DDC: variants seen among roughly 807,000 people sequenced by gnomAD.
DDC encodes the protein dopa decarboxylase.
In DDC, 43 loss-of-function variants were observed where a neutral mutation model predicts 60.0. The ratio of observed to expected loss-of-function variants is 0.72; its 90% CI spans 0.56 to 0.92. DDC has a LOEUF of 0.92. Ranked by LOEUF, DDC falls within the 40% of genes least tolerant of loss-of-function variation. DDC has a pLI of 0.00. For synonymous variants in DDC, 232 were observed against 234.6 expected (o/e 0.99, Z 0.10); for missense variants, 573 against 620.2 (o/e 0.92, Z 0.81).
intron 6 of DDC, among the ~76,000 whole-genome samples, chr7:50,519,386 A>G (rs1377120020): frequency 1.3e-5 from 2 of 152,218 alleles, no homozygotes; most frequent in African/African-American, 4.8e-5. Flanking sequence ...CAATCCCACT[A>G]CTGGGTATCT....
At chr7:50,535,926 T>C (rs1215459474) in intron 4 of DDC, among the ~76,000 whole-genome samples, 1 of 152,160 alleles carries the variant, frequency 6.6e-6, no homozygotes, top group Non-Finnish European at 1.5e-5. Flanking sequence ...TCCGATCTTA[T>C]ATGTGGTCAC....
At chr7:50,503,972 A>G (rs780813315) in intron 7 of DDC, 21 bp downstream of exon 7, 13 of 1,590,420 alleles carry the variant, frequency 8.2e-6, no homozygotes, top group African/African-American at 1.3e-5. Context: ...TTCCAAAAAG[A>G]AAATGGAATC....
intron 6 of DDC, among the ~76,000 whole-genome samples, chr7:50,516,433 T>C (rs1204616250): frequency 6.6e-6 from 1 of 152,024 alleles, no homozygotes; most frequent in African/African-American, 2.4e-5. Context: ...AAGGGGATGC[T>C]AAGAGGAAAA....
intron 6 of DDC, among the ~76,000 whole-genome samples, chr7:50,513,658 C>T (rs993516212): frequency 6.6e-6 from 1 of 151,968 alleles, no homozygotes; most frequent in Non-Finnish European, 1.5e-5. Flanking sequence ...GGAGACAGGC[C>T]CTTCGGTTTG....
intron 11 of DDC, among the ~76,000 whole-genome samples, chr7:50,470,703 A>G (rs1167550485): frequency 1.3e-5 from 2 of 152,050 alleles, no homozygotes; most frequent in Non-Finnish European, 2.9e-5. Flanking sequence ...TGACCCCAAG[A>G]CCCCTCATCA....
intron 13 of DDC, 85 bp from the exon 14 acceptor site, chr7:50,463,516 C>G (rs1452140610): frequency 8.6e-6 from 10 of 1,163,986 alleles, no homozygotes; most frequent in Admixed American, 1.8e-5. Context: ...CAGTGCTTGG[C>G]AACCCTACCG....
At chr7:50,489,848 T>A (rs2042962564) in intron 9 of DDC, among the ~76,000 whole-genome samples, 1 of 152,318 alleles carries the variant, frequency 6.6e-6, no homozygotes, top group South Asian at 2.1e-4. Context: ...ATTCTTTAAT[T>A]AAAAAATTAT....
intron 11 of DDC, 101 bp from the exon 12 acceptor site, chr7:50,470,272 T>C (rs1220561623): frequency 2.3e-6 from 2 of 888,360 alleles, no homozygotes; most frequent in African/African-American, 3.3e-5. Context: ...GGCAGCCGAT[T>C]CCCTGGTGGC....
intron 1 of DDC, among the ~76,000 whole-genome samples, chr7:50,565,051 C>T (rs185639085): frequency 1.1e-3 from 162 of 152,288 alleles, no homozygotes; most frequent in Admixed American, 1.7e-3. Context: ...TTCCCAGCAC[C>T]TATCAAACAT....
intron 4 of DDC, among the ~76,000 whole-genome samples, chr7:50,537,551 C>T (rs947622558): frequency 4.6e-5 from 7 of 152,226 alleles, no homozygotes; most frequent in African/African-American, 9.6e-5. Context: ...CCCACACAAA[C>T]GATAGTTGCT....
intron 9 of DDC, chr7:50,492,791 C>G: frequency 6.8e-7 from 1 of 1,465,704 alleles, no homozygotes; most frequent in South Asian, 1.4e-5. Flanking sequence ...AGGCTGGTGG[C>G]TGAACTGAAC....
chr7:50,472,564 G>A (rs78526626), intron 11 of DDC, among the ~76,000 whole-genome samples: 5 of 152,014 alleles, frequency 3.3e-5, no homozygotes, highest in Admixed American at 1.3e-4. Flanking sequence ...ACCTAGGTCC[G>A]TGGTCCTGTC....
At position 50,544,075 on chromosome 7, in the gene DDC, C is replaced by G. The variant is rs769697130; in HGVS notation, c.11G>C (p.Ser4Thr). ...CTCCTTCCCTCTCCTTCGGAATTCA[C>G]TTGCGTTCATGGTGTCTGGGCTCTG... The part of the protein sequence containing the change: MNA[S>T]EFRRRGKEMV... Residue 4 changes from serine to threonine, a missense_variant, in exon 2 of 15, where the codon AGT becomes ACT. Coordinates refer to ENST00000444124, the MANE Select transcript of DDC (RefSeq NM_001082971.2). The G allele has an allele frequency of 6.2e-7, 1 of 1,614,036 alleles. No homozygotes were observed. Among genetic ancestry groups the G allele is most frequent in the African/African-American group, 1.3e-5 (1 of 74,924 alleles).
intron 6 of DDC, among the ~76,000 whole-genome samples, chr7:50,517,433 A>G (rs2043763525): frequency 6.6e-6 from 1 of 152,294 alleles, no homozygotes; most frequent in East Asian, 1.9e-4. Flanking sequence ...CCTTAATATA[A>G]TAAAATCCAT....
chr7:50,464,853 G>C (rs2042359833), intron 13 of DDC, among the ~76,000 whole-genome samples: 1 of 152,222 alleles, frequency 6.6e-6, no homozygotes, highest in African/African-American at 2.4e-5. Context: ...ATTCAGATTA[G>C]AGAGGATTAG....
chr7:50,466,751 G>C (rs1219339390), intron 13 of DDC, among the ~76,000 whole-genome samples: 1 of 152,218 alleles, frequency 6.6e-6, no homozygotes, highest in Non-Finnish European at 1.5e-5. Context: ...ACAGACTCCT[G>C]TGTGGGCATC....
chr7:50,471,918 C>T lies in DDC; in HGVS notation c.1042-1747G>A, dbSNP rs574941561. ...GGCGCTGTGTTCCAAAATCATTCCT[C>T]GACTGGTCAACTTCCTACAAATTAA... On this transcript the variant is annotated intron_variant, in intron 11 of 14. Transcript: ENST00000444124. Among the ~76,000 whole-genome samples, 15 of 152,298 alleles carry T rather than the reference C, an allele frequency of 9.8e-5. 1 individual carries two copies. In the East Asian group the frequency reaches 1.4e-3, roughly 14 times the overall value.
At chr7:50,534,741 A>T (rs2044338746) in intron 4 of DDC, among the ~76,000 whole-genome samples, 1 of 152,220 alleles carries the variant, frequency 6.6e-6, no homozygotes, top group East Asian at 1.9e-4. Flanking sequence ...TAGACCATGC[A>T]TGCCCTTGCC....
intron 11 of DDC, among the ~76,000 whole-genome samples, chr7:50,475,244 C>T (rs1003635405): frequency 4.6e-5 from 7 of 152,206 alleles, no homozygotes; most frequent in Non-Finnish European, 8.8e-5. Context: ...TCAGGGTGAG[C>T]TGGTCCTCAG....
Sources: gnomAD v4.1 joint callset for allele counts (sites outside exome capture counted in the v4.1 genomes callset) on GRCh38, gnomAD v4.1.1 for gene constraint, MANE v1.5 for transcripts, NCBI Gene and HGNC (gene_info 2026-07-23, HGNC 2026-07-21) for gene names.